Variants in DENND2A observed in about 807,000 individuals in gnomAD.
DENND2A encodes DENN domain-containing protein 2A.
A neutral mutation model predicts 105.3 loss-of-function variants in DENND2A; 53 were observed. The ratio of observed to expected loss-of-function variants is 0.50; its 90% CI spans 0.40 to 0.63. DENND2A has a LOEUF of 0.63. DENND2A is among the 30% of genes least tolerant of loss of function. The pLI, the probability that DENND2A is intolerant of heterozygous loss-of-function variation, is 0.00. For synonymous variants in DENND2A, 522 were observed against 508.4 expected (o/e 1.03, Z -0.36); for missense variants, 1,138 against 1,279.6 (o/e 0.89, Z 1.69).
chr7:140,543,003 C>T (rs889131586), intron 14 of DENND2A, among the ~76,000 whole-genome samples: 2 of 152,076 alleles, frequency 1.3e-5, no homozygotes, highest in African/African-American at 4.8e-5. Context: ...GAGTGAGTGC[C>T]CTCCCTCGGT....
At chr7:140,603,059 T>A (rs1417275351) in intron 2 of DENND2A, among the ~76,000 whole-genome samples, 1 of 151,762 alleles carries the variant, frequency 6.6e-6, no homozygotes, top group Non-Finnish European at 1.5e-5. Flanking sequence ...CCGAGGCGGG[T>A]GGATCACGAG....
intron 1 of DENND2A, among the ~76,000 whole-genome samples, chr7:140,634,017 G>A (rs1413743917): frequency 1.5e-5 from 2 of 135,518 alleles, no homozygotes; most frequent in African/African-American, 2.8e-5. Context: ...TTTTTTTTCC[G>A]AGACAGAGTC....
chr7:140,588,131 G>A (rs1798863418), intron 3 of DENND2A, among the ~76,000 whole-genome samples: 1 of 152,028 alleles, frequency 6.6e-6, no homozygotes, highest in African/African-American at 2.4e-5. Flanking sequence ...GGCTGGTCTC[G>A]AACTCCTGAC....
At chr7:140,584,538 C>T (rs889059070) in intron 5 of DENND2A, among the ~76,000 whole-genome samples, 1 of 152,152 alleles carries the variant, frequency 6.6e-6, no homozygotes, top group Non-Finnish European at 1.5e-5. Context: ...GTTACAAATG[C>T]TAGTCCTGCA....
intron 14 of DENND2A, among the ~76,000 whole-genome samples, chr7:140,529,865 C>T (rs1292781556): frequency 6.6e-6 from 1 of 152,068 alleles, no homozygotes; most frequent in Non-Finnish European, 1.5e-5. Context: ...ATGGGTGCAG[C>T]ACACCAACAT....
chr7:140,593,123 G>T (rs1441741502), intron 3 of DENND2A, among the ~76,000 whole-genome samples: 5 of 152,302 alleles, frequency 3.3e-5, no homozygotes, highest in Admixed American at 3.3e-4. Flanking sequence ...ACTGTGAAAG[G>T]TTAATGAACG....
intron 8 of DENND2A, 46 bp downstream of exon 8, chr7:140,568,717 T>C (rs757752348): frequency 1.2e-6 from 2 of 1,609,230 alleles, no homozygotes; most frequent in South Asian, 2.2e-5. Flanking sequence ...CCTTTGCAGC[T>C]TCCAAGTCAC....
rs760659617 is a variant in DENND2A, at chr7:140,544,731, G to A, written c.2214C>T (p.Leu738=). The A allele has an allele frequency of 9.4e-6, 15 of 1,603,508 alleles. No individual in the cohort carries two copies. The highest frequency in any genetic ancestry group is 3.3e-5 in the South Asian group (3 of 89,604). Residue 738 remains leucine, a synonymous_variant, in exon 14 of 20, where the codon CTC becomes CTT. Transcript: ENST00000496613. ...IELCRPLDSR[L]EHVDFESLFS... Reference sequence around the variant, plus strand: ...AGAGAGACTCAAAGTCCACGTGCTCGAGCCGGGAGTCCAGCGGGCGGCACA... The same window carrying A: ...AGAGAGACTCAAAGTCCACGTGCTCAAGCCGGGAGTCCAGCGGGCGGCACA...
intron 5 of DENND2A, among the ~76,000 whole-genome samples, chr7:140,581,676 G>A (rs1258731516): frequency 6.6e-6 from 1 of 152,216 alleles, no homozygotes; most frequent in Non-Finnish European, 1.5e-5. Flanking sequence ...TGGATGAGCA[G>A]AATAATGAGC....
chr7:140,553,938 C>T (rs1797251202), intron 12 of DENND2A, among the ~76,000 whole-genome samples: 1 of 152,144 alleles, frequency 6.6e-6, no homozygotes, highest in Admixed American at 6.6e-5. Flanking sequence ...TTTCTTTTCC[C>T]CACAAGGGGC....
In DENND2A at chr7:140,601,637, G is replaced by A. The variant is rs1038953341; in HGVS notation, c.761C>T (p.Ser254Leu). 6.8e-6 allele frequency: 11 copies of A among 1,613,000 alleles called. No individual in the cohort carries two copies. Among genetic ancestry groups the A allele is most frequent in the African/African-American group, 2.7e-5 (2 of 74,862 alleles). ...GAAGGGCTTTGTGGGGGAACCCTCCGAGCCCCTATACACGTTCTCAAGGCT... is the reference window on the plus strand; with the variant it reads ...GAAGGGCTTTGTGGGGGAACCCTCCAAGCCCCTATACACGTTCTCAAGGCT... ...DRSLENVYRG[S>L]EGSPTKPFIN... The change falls in exon 3 of 20, where the codon TCG (serine) becomes TTG (leucine). Residue 254 changes from serine to leucine, a missense_variant. Ser to Leu is a moderately radical substitution (Grantham distance 145). Around this residue, in one of 2 missense-constraint regions of DENND2A, gnomAD observed 511 missense variants for 499.9 expected, o/e 1.02. Transcript: ENST00000496613.
chr7:140,542,808 C>T (rs1410617776), intron 14 of DENND2A, among the ~76,000 whole-genome samples: 1 of 152,038 alleles, frequency 6.6e-6, no homozygotes, highest in African/African-American at 2.4e-5. Context: ...TCAAGTGATC[C>T]ACCTGCCTCG....
intron 2 of DENND2A, among the ~76,000 whole-genome samples, chr7:140,603,828 C>T (rs534954484): frequency 5.6e-4 from 85 of 152,306 alleles, no homozygotes; most frequent in African/African-American, 2.0e-3. Context: ...GACTCAGAAG[C>T]GCCATGTGGC....
Position 140,553,696 on chromosome 7 carries a change from ACT to A in DENND2A, c.2037+1938_2037+1939del, listed in dbSNP as rs764210838. Among the ~76,000 whole-genome samples, 13 of 152,238 alleles carry A rather than the reference ACT, an allele frequency of 8.5e-5. No homozygotes were observed. In the East Asian group the frequency reaches 1.5e-3, roughly 18 times the overall value. ...TACTTGAGATTAGGGATTGGTGATG[ACT>A]CTTAACGAGCATGCTGCCTTCAAGC... On this transcript the variant is annotated intron_variant, in intron 12 of 19. Coordinates refer to ENST00000496613, the MANE Select transcript of DENND2A (RefSeq NM_015689.5).
chr7:140,577,328 ATC>A (rs1483974264), intron 5 of DENND2A, among the ~76,000 whole-genome samples: 1 of 152,164 alleles, frequency 6.6e-6, no homozygotes, highest in East Asian at 1.9e-4. Flanking sequence ...CAATGAAGAC[ATC>A]TAATTGTCTA....
rs1203911611 is a variant in DENND2A at position 140,527,395 on chromosome 7, C to A, written c.2428G>T (p.Val810Leu). Residue 810 changes from valine to leucine, a missense_variant, in exon 15 of 20, where the codon GTG becomes TTG. Around this residue, in one of 2 missense-constraint regions of DENND2A, gnomAD observed 627 missense variants for 779.8 expected, o/e 0.80. Transcript: ENST00000496613. This position sits in a 1 kb window ranked among gnomAD's most constrained non-coding sequence, Gnocchi z 4.9. The part of the protein sequence containing the change: ...PVLPPAMVDI[V>L]CSPTPFLIGL... ...ATGAGGAAGGGCGTCGGCGAGCACACGATGTCGACCATGGCGGGTGGCAGC... is the reference window on the plus strand; with the variant it reads ...ATGAGGAAGGGCGTCGGCGAGCACAAGATGTCGACCATGGCGGGTGGCAGC... 15 of 1,609,186 alleles carry A rather than the reference C, an allele frequency of 9.3e-6. No homozygotes were observed. The highest frequency in any genetic ancestry group is 1.3e-5 in the African/African-American group (1 of 74,868).
At chr7:140,602,645 A>G (rs1391576925) in intron 2 of DENND2A, 103 bp from the exon 3 acceptor site, 1 of 354,464 alleles carries the variant, frequency 2.8e-6, no homozygotes, top group African/African-American at 2.1e-5. Flanking sequence ...CAAGTCACAA[A>G]CCACAAACAT....
chr7:140,578,230 G>C (rs1798388898), intron 5 of DENND2A, among the ~76,000 whole-genome samples: 1 of 152,192 alleles, frequency 6.6e-6, no homozygotes, highest in Admixed American at 6.5e-5. Context: ...CCTGGGCGGG[G>C]TGGGGGGTGC....
chr7:140,602,835 T>G (rs920643548), intron 2 of DENND2A, among the ~76,000 whole-genome samples: 3 of 151,714 alleles, frequency 2.0e-5, no homozygotes, highest in African/African-American at 7.3e-5. Context: ...AAAACTCAAT[T>G]TGTGTTTTCC....
Sources: allele counts gnomAD v4.1 joint callset (sites outside exome capture counted in the v4.1 genomes callset), GRCh38; gene constraint gnomAD v4.1.1; regional missense constraint gnomAD v4.1.1; non-coding constraint Gnocchi (gnomAD v3.1); transcripts MANE v1.5; gene names NCBI Gene and HGNC (gene_info 2026-07-23, HGNC 2026-07-21).